Variants in RHOJ observed in about 807,000 individuals in gnomAD.
RHOJ encodes rho-related GTP-binding protein RhoJ.
RHOJ carries 11 observed loss-of-function variants against 23.4 expected under a neutral mutation model. The observed-to-expected ratio is 0.47, with a 90% CI of 0.30 to 0.78. The LOEUF (loss-of-function observed/expected upper bound fraction) is 0.78, where lower values mean the gene tolerates loss of function less well. Among genes scored for constraint, RHOJ ranks in the 30% least tolerant of loss-of-function variants. The pLI, the probability that RHOJ is intolerant of heterozygous loss-of-function variation, is 0.08. For missense variants in RHOJ, 254 were observed against 273.4 expected (o/e 0.93, Z 0.50); for synonymous variants, 102 against 102.7 (o/e 0.99, Z 0.04).
chr14:63,252,673 C>A (rs1397377451), intron 1 of RHOJ, among the ~76,000 whole-genome samples: 1 of 152,124 alleles, frequency 6.6e-6, no homozygotes, highest in Non-Finnish European at 1.5e-5. Flanking sequence ...TCCCCCATAC[C>A]CCTGACTCTC....
intron 2 of RHOJ, 151 bp from the exon 3 acceptor site, chr14:63,280,820 T>C: frequency 3.1e-6 from 2 of 634,942 alleles, no homozygotes; most frequent in Non-Finnish European, 5.1e-6. Context: ...CTCCTTTAGT[T>C]CTAGTAGAGA....
chr14:63,272,349 C>A (rs79793093), intron 2 of RHOJ, among the ~76,000 whole-genome samples: 2,937 of 152,250 alleles, frequency 0.019, 97 homozygotes, highest in African/African-American at 0.067. Context: ...ACATATAATT[C>A]AAAATATTCA....
chr14:63,236,772 C>CAT (rs948306767), intron 1 of RHOJ, among the ~76,000 whole-genome samples: 1 of 151,934 alleles, frequency 6.6e-6, no homozygotes, highest in African/African-American at 2.4e-5. Flanking sequence ...CACACACACA[C>CAT]ACACACACAC....
chr14:63,265,947 A>G (rs770247634), intron 1 of RHOJ, among the ~76,000 whole-genome samples: 18 of 152,244 alleles, frequency 1.2e-4, no homozygotes, highest in Admixed American at 1.1e-3. Flanking sequence ...ACCTATCTAT[A>G]TAATATATAG....
At chr14:63,258,362 C>T (rs867836716) in intron 1 of RHOJ, among the ~76,000 whole-genome samples, 8 of 151,790 alleles carry the variant, frequency 5.3e-5, no homozygotes, top group Non-Finnish European at 8.8e-5. Context: ...TCATACTTTA[C>T]GCAGCTGAGC....
At chr14:63,262,246 C>G (rs1239245738) in intron 1 of RHOJ, among the ~76,000 whole-genome samples, 1 of 152,186 alleles carries the variant, frequency 6.6e-6, no homozygotes, top group Non-Finnish European at 1.5e-5. Context: ...AGAACACACA[C>G]TGTTTTGTGA....
chr14:63,214,058 C>T lies in RHOJ; in HGVS notation c.178+9011C>T, dbSNP rs192305240. ...GAAATTGCTTATACCAAATACAATA[C>T]GCACAGATAAACATATCAACTGCCT... On this transcript the variant is annotated intron_variant, in intron 1 of 4. Transcript: ENST00000316754. Among the ~76,000 whole-genome samples the T allele has an allele frequency of 5.0e-4, 76 of 152,290 alleles. 1 individual carries two copies. The East Asian group carries it at 5.0e-3, about 10-fold the overall frequency.
chr14:63,205,588 A>C (rs1240753045), intron 1 of RHOJ, among the ~76,000 whole-genome samples: 1 of 152,222 alleles, frequency 6.6e-6, no homozygotes, highest in Non-Finnish European at 1.5e-5. Context: ...ATTGGGGGAG[A>C]GTTTTTAAAA....
Position 63,284,736 on chromosome 14 carries a change from G to A in RHOJ, c.498+1520G>A, listed in dbSNP as rs147474731. 6.2e-3 allele frequency among the ~76,000 whole-genome samples: 944 copies of A among 152,274 alleles called. 14 individuals are homozygous for A. The highest frequency in any genetic ancestry group is 0.022 in the African/African-American group (906 of 41,568). ...CTTTCTACACATTTTTCACAGCCAG[G>A]ATGTCCCCATTGGCCGGCACCAGCT... On this transcript the variant is annotated intron_variant, in intron 4 of 4. Coordinates refer to ENST00000316754, the MANE Select transcript of RHOJ (RefSeq NM_020663.5).
At chr14:63,258,541 A>AT (rs1566621896) in intron 1 of RHOJ, among the ~76,000 whole-genome samples, 1 of 152,016 alleles carries the variant, frequency 6.6e-6, no homozygotes, top group East Asian at 1.9e-4. Context: ...TTCCCCTTCT[A>AT]TTTTCCCCTC....
At chr14:63,221,269 G>T (rs945039173) in intron 1 of RHOJ, among the ~76,000 whole-genome samples, 1 of 152,172 alleles carries the variant, frequency 6.6e-6, no homozygotes, top group African/African-American at 2.4e-5. Flanking sequence ...GATCGAGGCT[G>T]CAATGAGCCA....
At chr14:63,211,163 G>A (rs1190008839) in intron 1 of RHOJ, among the ~76,000 whole-genome samples, 1 of 152,116 alleles carries the variant, frequency 6.6e-6, no homozygotes, top group East Asian at 1.9e-4. Context: ...GCCAGAGCAG[G>A]GAGTGGGAAA....
At chr14:63,228,025 A>G (rs1048457368) in intron 1 of RHOJ, among the ~76,000 whole-genome samples, 20 of 152,318 alleles carry the variant, frequency 1.3e-4, no homozygotes, top group African/African-American at 4.3e-4. Flanking sequence ...ACGGCTTCCA[A>G]GAATATTCCT....
chr14:63,268,637 A>T (rs1463239892), intron 1 of RHOJ, among the ~76,000 whole-genome samples: 2 of 152,228 alleles, frequency 1.3e-5, no homozygotes, highest in Non-Finnish European at 2.9e-5. Flanking sequence ...TAGGTGTGAT[A>T]ATATTCTTTG....
At chr14:63,286,882 T>C (rs1225598823) in intron 4 of RHOJ, among the ~76,000 whole-genome samples, 5 of 152,232 alleles carry the variant, frequency 3.3e-5, no homozygotes, top group African/African-American at 9.6e-5. Context: ...CTTTCACCAA[T>C]TTGATCATAA....
chr14:63,238,008 A>C (rs1047386956), intron 1 of RHOJ, among the ~76,000 whole-genome samples: 1 of 152,230 alleles, frequency 6.6e-6, no homozygotes, highest in Middle Eastern at 3.4e-3. Context: ...GACCATATTC[A>C]CCACACTCTA....
At chr14:63,263,811 A>C (rs1344234480) in intron 1 of RHOJ, among the ~76,000 whole-genome samples, 2 of 152,140 alleles carry the variant, frequency 1.3e-5, no homozygotes. Context: ...ATGAAGCCTC[A>C]GTTAGTGAGC....
At chr14:63,259,061 T>C (rs949380869) in intron 1 of RHOJ, among the ~76,000 whole-genome samples, 1 of 152,186 alleles carries the variant, frequency 6.6e-6, no homozygotes, top group Non-Finnish European at 1.5e-5. Context: ...TGCCTCAGCC[T>C]CCTAAATGGC....
intron 1 of RHOJ, among the ~76,000 whole-genome samples, chr14:63,224,253 A>G (rs919523211): frequency 6.6e-6 from 1 of 152,240 alleles, no homozygotes; most frequent in Non-Finnish European, 1.5e-5. Context: ...TCTTTCCCCA[A>G]CACTGCATCT....
Sources: gnomAD v4.1 joint callset for allele counts (sites outside exome capture counted in the v4.1 genomes callset) on GRCh38, gnomAD v4.1.1 for gene constraint, MANE v1.5 for transcripts, NCBI Gene and HGNC (gene_info 2026-07-23, HGNC 2026-07-21) for gene names.